Variants in TPCN2 observed in about 807,000 individuals in gnomAD.
The protein encoded by TPCN2 is two pore segment channel 2.
In TPCN2, 92 loss-of-function variants were observed where a neutral mutation model predicts 111.4. The observed-to-expected ratio is 0.83, with a 90% CI of 0.70 to 0.98. The LOEUF is 0.98. TPCN2 is among the 50% of genes least tolerant of loss of function. The pLI, the probability that TPCN2 is intolerant of heterozygous loss-of-function variation, is 0.00. For missense variants in TPCN2, 995 were observed against 980.1 expected, an observed-to-expected ratio of 1.02 and a Z score of -0.20; for synonymous variants, 405 against 414.5, an observed-to-expected ratio of 0.98 and a Z score of 0.28.
chr11:69,080,555 G>A (rs1339808763), intron 17 of TPCN2, among the ~76,000 whole-genome samples: 1 of 152,204 alleles, frequency 6.6e-6, no homozygotes, highest in Non-Finnish European at 1.5e-5. Context: ...GGGGCACGGG[G>A]CCCAGCATGC....
intron 20 of TPCN2, 140 bp from the exon 21 acceptor site, chr11:69,085,531 T>C: frequency 1.4e-6 from 1 of 727,954 alleles, no homozygotes; most frequent in Non-Finnish European, 2.4e-6. Context: ...GAGCAGCACT[T>C]TCCCTGCCCT....
At chr11:69,067,052 GGCCCTGACACACA>G (rs1240024763) in intron 7 of TPCN2, among the ~76,000 whole-genome samples, 19 of 152,292 alleles carry the variant, frequency 1.2e-4, no homozygotes, top group African/African-American at 4.3e-4. Context: ...GGCGGCCGTG[GGCCCTGACACACA>G]GCCTCTAGAG....
intron 17 of TPCN2, among the ~76,000 whole-genome samples, chr11:69,080,353 A>T (rs73516579): frequency 0.042 from 6,370 of 152,282 alleles, 454 homozygotes; most frequent in African/African-American, 0.14. Context: ...CCTCCTTAAA[A>T]TAGTGGAGCT....
intron 6 of TPCN2, among the ~76,000 whole-genome samples, chr11:69,063,500 C>T (rs1362603020): frequency 1.3e-5 from 2 of 152,084 alleles, no homozygotes; most frequent in East Asian, 1.9e-4. Context: ...CCCCTGGTCC[C>T]GATCCCCTGC....
chr11:69,089,157 C>G lies in TPCN2; in HGVS notation c.*1204C>G, dbSNP rs1007740041. The G allele has an allele frequency of 3.9e-5, 6 of 152,290 alleles. No homozygotes were observed. Among genetic ancestry groups the G allele is most frequent in the Non-Finnish European group, 7.3e-5 (5 of 68,092 alleles). 9.4% of individuals were successfully genotyped at this position (152,290 alleles called of 1,614,324 possible). The stretch of plus-strand genomic sequence containing the variant: ...TGGGATGGTGGGGGAGGGGGCGACC[C>G]GAACAACAGTGCAGTCGGTATCGAG... On this transcript the variant is annotated 3_prime_UTR_variant, in exon 25 of 25. Coordinates refer to ENST00000294309, the MANE Select transcript of TPCN2 (RefSeq NM_139075.4).
intron 5 of TPCN2, among the ~76,000 whole-genome samples, chr11:69,059,469 C>T (rs115600276): frequency 6.6e-6 from 1 of 152,226 alleles, no homozygotes; most frequent in Non-Finnish European, 1.5e-5. Flanking sequence ...TCCCATTGCC[C>T]TTGCCTGGGT....
Position 69,072,119 on chromosome 11 carries a change from C to G in TPCN2, c.1061+96C>G, listed in dbSNP as rs999092783. ...TCATTAGGGGCTTCTTGTGCTTGGCCTGTGCCTCGCCCCTGCTGGCTGGCA... is the reference window on the plus strand; with the variant it reads ...TCATTAGGGGCTTCTTGTGCTTGGCGTGTGCCTCGCCCCTGCTGGCTGGCA... On this transcript the variant is annotated intron_variant, in intron 11 of 24. Coordinates refer to ENST00000294309, the MANE Select transcript of TPCN2 (RefSeq NM_139075.4). The G allele has an allele frequency of 3.6e-5, 38 of 1,046,526 alleles. No homozygotes were observed. In the African/African-American group the frequency reaches 5.1e-4, roughly 14 times the overall value. 64.8% of individuals were successfully genotyped at this position (1,046,526 alleles called of 1,614,324 possible).
chr11:69,075,854 T>C (rs1162001642), intron 13 of TPCN2, among the ~76,000 whole-genome samples: 2 of 152,184 alleles, frequency 1.3e-5, no homozygotes, highest in Non-Finnish European at 2.9e-5. Context: ...TCATTCATTA[T>C]AGACAACAGA....
chr11:69,072,132 C>G, intron 11 of TPCN2, 109 bp downstream of exon 11: 1 of 919,604 alleles, frequency 1.1e-6, no homozygotes, highest in Non-Finnish European at 1.6e-6. Flanking sequence ...TGCCTCGCCC[C>G]TGCTGGCTGG....
chr11:69,060,035 C>T (rs559738750), intron 5 of TPCN2, among the ~76,000 whole-genome samples: 1 of 152,246 alleles, frequency 6.6e-6, no homozygotes, highest in Non-Finnish European at 1.5e-5. Flanking sequence ...CCACGATGCC[C>T]ATGGTGGGCG....
chr11:69,082,556 G>T (rs12576632), intron 18 of TPCN2, among the ~76,000 whole-genome samples: 51 of 135,892 alleles, frequency 3.8e-4, no homozygotes, highest in East Asian at 2.9e-3. Context: ...CTCGTGCCCG[G>T]GTAAGACGCA....
intron 22 of TPCN2, 52 bp downstream of exon 22, chr11:69,085,982 C>A (rs775412278): frequency 5.1e-5 from 79 of 1,546,230 alleles, no homozygotes; most frequent in Admixed American, 8.9e-5. Context: ...CCTGGGGGTT[C>A]CCTCACCTCC....
chr11:69,054,123 C>CACCCCCCAGGCCCGGCCACA, intron 2 of TPCN2, 26 bp downstream of exon 2: 1 of 1,607,058 alleles, frequency 6.2e-7, no homozygotes, highest in Non-Finnish European at 8.5e-7. Flanking sequence ...TCCCTGTGGC[C>CACCCCCCAGGCCCGGCCACA]GGGCCTGGGG....
At chr11:69,074,983 C>T (rs533610097) in intron 13 of TPCN2, among the ~76,000 whole-genome samples, 16 of 152,286 alleles carry the variant, frequency 1.1e-4, no homozygotes, top group South Asian at 2.1e-4. Context: ...TTCCTCCTCC[C>T]GTGATGATGT....
chr11:69,080,066 C>T (rs992665660), intron 17 of TPCN2, among the ~76,000 whole-genome samples, 183 bp downstream of exon 17: 2 of 152,214 alleles, frequency 1.3e-5, no homozygotes, highest in African/African-American at 2.4e-5. Flanking sequence ...GCCCTGCCGT[C>T]GCTCTGGGGG....
At chr11:69,066,792 C>G (rs778754211) in intron 7 of TPCN2, among the ~76,000 whole-genome samples, 1 of 152,202 alleles carries the variant, frequency 6.6e-6, no homozygotes, top group Non-Finnish European at 1.5e-5. Context: ...CATCTTCCAG[C>G]TGGGGGGTCT....
intron 4 of TPCN2, among the ~76,000 whole-genome samples, chr11:69,056,151 G>A (rs1854754855): frequency 6.6e-6 from 1 of 152,222 alleles, no homozygotes; most frequent in Admixed American, 6.5e-5. Flanking sequence ...TGCCCATGGT[G>A]TTAGATCAGG....
Position 69,053,963 on chromosome 11 carries a change from T to A in TPCN2, c.110-70T>A, listed in dbSNP as rs1854630570. Reference sequence around the variant, plus strand: ...AACCACAGCCGGCATCTTTCCTTGATCACGGGTATCCTGGAGGGTGAGGCC... The same window carrying A: ...AACCACAGCCGGCATCTTTCCTTGAACACGGGTATCCTGGAGGGTGAGGCC... On this transcript the variant is annotated intron_variant, in intron 1 of 24. Transcript: ENST00000294309. 56 of 1,350,106 alleles carry A rather than the reference T, an allele frequency of 4.1e-5. 1 individual carries two copies. The South Asian group carries it at 6.6e-4, about 16-fold the overall frequency. 83.6% of individuals were successfully genotyped at this position (1,350,106 alleles called of 1,614,324 possible). A position where few individuals can be genotyped will look rare whatever the true frequency, so the allele number is the denominator to read the frequency against.
At chr11:69,079,557 A>G (rs1222173832) in intron 16 of TPCN2, 1 of 383,576 alleles carries the variant, frequency 2.6e-6, no homozygotes, top group African/African-American at 2.1e-5. Flanking sequence ...AAATTTGAAA[A>G]GGGCCCTGCA....
Sources: gnomAD v4.1 joint callset for allele counts (sites outside exome capture counted in the v4.1 genomes callset) on GRCh38, gnomAD v4.1.1 for gene constraint, MANE v1.5 for transcripts, NCBI Gene and HGNC (gene_info 2026-07-23, HGNC 2026-07-21) for gene names.